Variants in NAV2 observed in about 807,000 individuals in gnomAD.
NAV2 encodes the protein neuron navigator 2, also known as helicase, APC down-regulated 1.
NAV2 carries 54 observed loss-of-function variants against 223.2 expected under a neutral mutation model. The ratio of observed to expected loss-of-function variants is 0.24; its 90% confidence interval spans 0.19 to 0.30. NAV2 has a LOEUF of 0.30. NAV2 is among the 10% of genes least tolerant of loss of function. The pLI, the probability that NAV2 is intolerant of heterozygous loss-of-function variation, is 1.00. For synonymous variants in NAV2, 1,279 were observed against 1,239.3 expected (o/e 1.03, Z -0.67); for missense variants, 2,806 against 3,147.5 (o/e 0.89, Z 2.60).
chr11:19,640,032 T>C (rs1281198374), intron 1 of NAV2, among the ~76,000 whole-genome samples: 1 of 152,202 alleles, frequency 6.6e-6, no homozygotes, highest in African/African-American at 2.4e-5. Context: ...TGAAGCAAGC[T>C]CTGTGACTAC....
At chr11:19,669,567 T>A (rs370895350) in intron 1 of NAV2, among the ~76,000 whole-genome samples, 1 of 152,236 alleles carries the variant, frequency 6.6e-6, no homozygotes, top group African/African-American at 2.4e-5. Flanking sequence ...CTGTATGGAT[T>A]ACCTACCAAA....
intron 1 of NAV2, among the ~76,000 whole-genome samples, chr11:19,666,707 G>T (rs979268063): frequency 3.3e-5 from 5 of 152,048 alleles, no homozygotes; most frequent in Non-Finnish European, 1.5e-5. Context: ...CTTCATACAT[G>T]TTGCCCTTGA....
chr11:19,690,157 T>C (rs1169914177), intron 1 of NAV2, among the ~76,000 whole-genome samples: 6 of 152,178 alleles, frequency 3.9e-5, no homozygotes, highest in Non-Finnish European at 8.8e-5. Flanking sequence ...AGGTGGGGTT[T>C]CACCATGTTG....
intron 11 of NAV2, among the ~76,000 whole-genome samples, chr11:20,026,602 G>C (rs556165534): frequency 1.3e-5 from 2 of 152,164 alleles, no homozygotes; most frequent in East Asian, 3.9e-4. Flanking sequence ...GAGCCATCGT[G>C]CCTGGCCAGC....
chr11:19,730,381 G>A (rs1365437418), intron 1 of NAV2, among the ~76,000 whole-genome samples: 1 of 152,204 alleles, frequency 6.6e-6, no homozygotes, highest in Non-Finnish European at 1.5e-5. Flanking sequence ...GCACCCTGGA[G>A]GGGGAGGAAA....
chr11:19,984,934 C>A (rs189447091), intron 11 of NAV2, among the ~76,000 whole-genome samples: 4 of 152,154 alleles, frequency 2.6e-5, no homozygotes, highest in Non-Finnish European at 5.9e-5. Context: ...TTCTATGATC[C>A]CTTCCAGTTC....
At position 20,118,733 on chromosome 11, in the gene NAV2, A is replaced by G; in HGVS notation, c.*475A>G. 1 of 169,862 alleles carries G rather than the reference A, an allele frequency of 5.9e-6. No individual in the cohort carries two copies. The highest frequency in any genetic ancestry group is 1.2e-5 in the Non-Finnish European group (1 of 80,124). 10.5% of individuals were successfully genotyped at this position (169,862 alleles called of 1,614,324 possible). A position where few individuals can be genotyped will look rare whatever the true frequency, so the allele number is the denominator to read the frequency against. On this transcript the variant is annotated 3_prime_UTR_variant, in exon 38 of 38. Transcript: ENST00000349880. ...GCACAGACCCTCCAGACTGGGTCTCAGAGCCGTGCCACCCACCCTCCCACA... is the reference window on the plus strand; with the variant it reads ...GCACAGACCCTCCAGACTGGGTCTCGGAGCCGTGCCACCCACCCTCCCACA...
intron 1 of NAV2, among the ~76,000 whole-genome samples, chr11:19,757,650 T>C (rs2054348400): frequency 6.6e-6 from 1 of 152,034 alleles, no homozygotes; most frequent in African/African-American, 2.4e-5. Flanking sequence ...TGGTGTGTGA[T>C]GGGAAGGTAT....
intron 3 of NAV2, among the ~76,000 whole-genome samples, chr11:19,845,263 G>A (rs764985125): frequency 3.5e-4 from 53 of 152,194 alleles, no homozygotes; most frequent in Non-Finnish European, 6.3e-4. Flanking sequence ...ATTGCTAGGT[G>A]GTTAACCTCC....
intron 2 of NAV2, among the ~76,000 whole-genome samples, chr11:19,841,897 A>G (rs866866754): frequency 9.2e-5 from 14 of 152,210 alleles, no homozygotes; most frequent in African/African-American, 2.4e-4. Context: ...TACTGGCATC[A>G]TCTAATTCTA....
intron 5 of NAV2, among the ~76,000 whole-genome samples, chr11:19,883,441 G>A (rs987528659): frequency 6.6e-6 from 1 of 152,142 alleles, no homozygotes; most frequent in Admixed American, 6.6e-5. Context: ...TAGAGTCCAG[G>A]AGAGGAGCAT....
intron 6 of NAV2, among the ~76,000 whole-genome samples, chr11:19,908,459 A>T (rs1389537748): frequency 6.6e-6 from 1 of 152,178 alleles, no homozygotes; most frequent in African/African-American, 2.4e-5. Context: ...GCTGGTCTGT[A>T]TTTAATAAAT....
chr11:19,743,186 A>C (rs2053006339), intron 1 of NAV2, among the ~76,000 whole-genome samples: 1 of 152,026 alleles, frequency 6.6e-6, no homozygotes, highest in African/African-American at 2.4e-5. Context: ...ATTTACTCAT[A>C]AGGCCACTGT....
intron 25 of NAV2, among the ~76,000 whole-genome samples, chr11:20,081,845 T>C (rs1170938267): frequency 6.6e-6 from 1 of 152,238 alleles, no homozygotes; most frequent in East Asian, 1.9e-4. Flanking sequence ...TTAAAAGGCC[T>C]GTTTTCAAGA....
At chr11:19,815,098 A>G (rs919826112) in intron 1 of NAV2, among the ~76,000 whole-genome samples, 2 of 152,184 alleles carry the variant, frequency 1.3e-5, no homozygotes, top group Non-Finnish European at 1.5e-5. Flanking sequence ...ATGTACAAAG[A>G]TAAGAACGAT....
chr11:19,783,375 C>T (rs1291135646), intron 1 of NAV2, among the ~76,000 whole-genome samples: 3 of 152,158 alleles, frequency 2.0e-5, no homozygotes, highest in Admixed American at 6.5e-5. Context: ...CTGTTAGTTC[C>T]AATCAGCATG....
At chr11:19,862,147 T>C (rs954883199) in intron 3 of NAV2, among the ~76,000 whole-genome samples, 5 of 151,866 alleles carry the variant, frequency 3.3e-5, no homozygotes, top group Non-Finnish European at 7.4e-5. Context: ...CTAGAGATAA[T>C]TTTTTTTTGT....
intron 11 of NAV2, among the ~76,000 whole-genome samples, chr11:20,024,825 G>C (rs1047170790): frequency 2.0e-5 from 3 of 152,174 alleles, no homozygotes; most frequent in African/African-American, 7.2e-5. Flanking sequence ...GGAGACTATG[G>C]GGGTATTGAA....
intron 10 of NAV2, among the ~76,000 whole-genome samples, chr11:19,982,614 G>A (rs1380230173): frequency 6.6e-6 from 1 of 152,136 alleles, no homozygotes; most frequent in African/African-American, 2.4e-5. Context: ...TTGTGACCTT[G>A]GGGATCATTA....
Sources: gnomAD v4.1 joint callset for allele counts (sites outside exome capture counted in the v4.1 genomes callset) on GRCh38, gnomAD v4.1.1 for gene constraint, MANE v1.5 for transcripts, NCBI Gene and HGNC (gene_info 2026-07-23, HGNC 2026-07-21) for gene names.